APP: variants seen among roughly 807,000 people sequenced by gnomAD.
APP encodes amyloid-beta precursor protein.
In APP, 31 loss-of-function variants were observed where a neutral mutation model predicts 101.4. The observed-to-expected ratio is 0.31, with a 90% CI of 0.23 to 0.41. The LOEUF is 0.41. Ranked by LOEUF, APP falls within the 10% of genes least tolerant of loss-of-function variation. The probability of loss-of-function intolerance (pLI) is 1.00; values close to 1 mark genes in which losing one functional copy is unlikely to be tolerated. For synonymous variants in APP, 366 were observed against 364.4 expected, an observed-to-expected ratio of 1.00 and a Z score of -0.05; for missense variants, 839 against 1,003.7, an observed-to-expected ratio of 0.84 and a Z score of 2.22.
chr21:26,104,403 G>A (rs1474079498), intron 2 of APP, among the ~76,000 whole-genome samples: 4 of 152,086 alleles, frequency 2.6e-5, no homozygotes, highest in African/African-American at 7.2e-5. Flanking sequence ...CTAGGCAGAA[G>A]CAAAACTATT....
At chr21:26,052,893 T>C (rs915646286) in intron 4 of APP, among the ~76,000 whole-genome samples, 5 of 152,248 alleles carry the variant, frequency 3.3e-5, no homozygotes, top group African/African-American at 7.2e-5. Context: ...TTATAAGGCA[T>C]GGCACAGACA....
chr21:25,925,219 A>C (rs2039834825), intron 13 of APP, among the ~76,000 whole-genome samples: 1 of 152 alleles, frequency 6.6e-3, no homozygotes, highest in Admixed American at 0.071. Flanking sequence ...CAGGGCTATG[A>C]GAAACAGATT....
intron 8 of APP, among the ~76,000 whole-genome samples, chr21:25,982,980 C>A (rs1351621520): frequency 9.1e-6 from 1 of 109,646 alleles, no homozygotes; most frequent in East Asian, 2.7e-4. Flanking sequence ...ATTACGAAGA[C>A]AACCTTCATG....
chr21:26,022,713 T>C (rs1238409846), intron 5 of APP, among the ~76,000 whole-genome samples: 1 of 152,190 alleles, frequency 6.6e-6, no homozygotes, highest in Non-Finnish European at 1.5e-5. Flanking sequence ...TTTGCCGTAT[T>C]ATGGGAATTA....
intron 1 of APP, among the ~76,000 whole-genome samples, chr21:26,141,385 A>G (rs2063042740): frequency 6.6e-6 from 1 of 152,232 alleles, no homozygotes; most frequent in East Asian, 1.9e-4. Context: ...AAAAGAAAGC[A>G]ACAAACCCAA....
chr21:26,142,356 C>T (rs1488344232), intron 1 of APP, among the ~76,000 whole-genome samples: 1 of 152,168 alleles, frequency 6.6e-6, no homozygotes, highest in Non-Finnish European at 1.5e-5. Flanking sequence ...TGGCTCACTG[C>T]AGAAACTAAC....
chr21:26,077,733 A>T (rs1225406481), intron 3 of APP, among the ~76,000 whole-genome samples: 1 of 150,130 alleles, frequency 6.7e-6, no homozygotes, highest in Non-Finnish European at 1.5e-5. Context: ...CCTTCACTAT[A>T]GGGTTTCAAA....
intron 2 of APP, among the ~76,000 whole-genome samples, chr21:26,094,161 T>C (rs1458750754): frequency 6.6e-6 from 1 of 151,896 alleles, no homozygotes; most frequent in African/African-American, 2.4e-5. Context: ...CCATGCATAG[T>C]TTTTTCCTAC....
At chr21:26,007,728 C>A (rs964140353) in intron 6 of APP, among the ~76,000 whole-genome samples, 14 of 151,920 alleles carry the variant, frequency 9.2e-5, no homozygotes, top group African/African-American at 3.1e-4. Context: ...AAAGCCAACA[C>A]AATAGAAAAC....
At chr21:25,917,251 ACT>A (rs1365547276) in intron 13 of APP, among the ~76,000 whole-genome samples, 1 of 138,246 alleles carries the variant, frequency 7.2e-6, no homozygotes, top group Non-Finnish European at 1.5e-5. Flanking sequence ...ACCGAGTAAG[ACT>A]CTGTCTCCAA....
chr21:26,135,356 C>T (rs1215505186), intron 1 of APP, among the ~76,000 whole-genome samples: 1 of 152,196 alleles, frequency 6.6e-6, no homozygotes, highest in East Asian at 1.9e-4. Context: ...ACTTCTATAA[C>T]TTAAAGATAG....
chr21:26,021,722 A>G (rs1014094610), intron 6 of APP, 118 bp downstream of exon 6: 29 of 1,415,746 alleles, frequency 2.0e-5, no homozygotes, highest in East Asian at 1.8e-4. Context: ...AGCCTTTTGG[A>G]AAAAAAAACA....
At position 25,885,411 on chromosome 21, in the gene APP, G is replaced by C. The variant is rs1164819938; in HGVS notation, c.2212-3640C>G. On this transcript the variant is annotated intron_variant, in intron 17 of 17. Coordinates refer to ENST00000346798, the MANE Select transcript of APP (RefSeq NM_000484.4). ...TTCCCTTAAAGCAGAGCCAGGGAGGGTTTGAGCCCATGGTGCTTGTTCTGG... is the reference window on the plus strand; with the variant it reads ...TTCCCTTAAAGCAGAGCCAGGGAGGCTTTGAGCCCATGGTGCTTGTTCTGG... Among the ~76,000 whole-genome samples, 2 of 152,242 alleles carry C rather than the reference G, an allele frequency of 1.3e-5. 1 individual carries two copies. The highest frequency in any genetic ancestry group is 4.1e-4 in the South Asian group (2 of 4,832).
intron 2 of APP, among the ~76,000 whole-genome samples, chr21:26,090,772 T>C (rs891294103): frequency 1.2e-4 from 19 of 152,226 alleles, no homozygotes; most frequent in Admixed American, 1.1e-3. Flanking sequence ...TTTTACAGGA[T>C]ATGACACATA....
At chr21:26,112,983 C>G (rs1322905419) in intron 1 of APP, among the ~76,000 whole-genome samples, 1 of 151,878 alleles carries the variant, frequency 6.6e-6, no homozygotes, top group Non-Finnish European at 1.5e-5. Context: ...ATTACCTTTA[C>G]AAAAATATTT....
At chr21:26,051,319 T>C (rs546345925) in intron 4 of APP, 126 bp from the exon 5 acceptor site, 9 of 1,049,942 alleles carry the variant, frequency 8.6e-6, no homozygotes, top group South Asian at 4.2e-5. Context: ...AGGAAAAGAT[T>C]ATTTGCTTTT....
At chr21:26,164,193 T>A (rs1158728636) in intron 1 of APP, among the ~76,000 whole-genome samples, 1 of 152,152 alleles carries the variant, frequency 6.6e-6, no homozygotes, top group African/African-American at 2.4e-5. Context: ...TGCAGTGAGC[T>A]GAGATCGCAC....
chr21:26,000,526 C>T (rs1308724893), intron 6 of APP, among the ~76,000 whole-genome samples: 3 of 152,186 alleles, frequency 2.0e-5, no homozygotes, highest in East Asian at 1.9e-4. Flanking sequence ...AAATAAACTT[C>T]TCTTTTTAAG....
rs10617724 is a variant in APP, at chr21:26,139,879, AAAACAAAC to A, written c.58-27741_58-27734del. Among the ~76,000 whole-genome samples the A allele has an allele frequency of 0.2, 29,900 of 150,150 alleles. 3,174 individuals are homozygous for A. The highest frequency in any genetic ancestry group is 0.3 in the East Asian group (1,502 of 5,036). ...TGGCAACAGAGCGAGACTCCGTCTCAAAACAAACAAACAAACAAACAAACAAACAAACA... is the reference window on the plus strand; with the variant it reads ...TGGCAACAGAGCGAGACTCCGTCTCAAAACAAACAAACAAACAAACAAACA... On this transcript the variant is annotated intron_variant, in intron 1 of 17. Transcript: ENST00000346798.
Sources: allele counts gnomAD v4.1 joint callset (sites outside exome capture counted in the v4.1 genomes callset), GRCh38; gene constraint gnomAD v4.1.1; transcripts MANE v1.5; gene names NCBI Gene and HGNC (gene_info 2026-07-23, HGNC 2026-07-21).